The following GPN3 variants were observed in gnomAD, a reference collection of about 807,000 sequenced individuals.
GPN3 encodes the protein ATP-binding domain 1 family member C.
A neutral mutation model predicts 38.7 loss-of-function variants in GPN3; 31 were observed. That is an observed-to-expected ratio of 0.80 (90% CI 0.60 to 1.08). GPN3 has a LOEUF of 1.08. Among genes scored for constraint, GPN3 ranks in the 50% least tolerant of loss-of-function variants. The pLI, the probability that GPN3 is intolerant of heterozygous loss-of-function variation, is 0.00. For missense variants in GPN3, 301 were observed against 354.4 expected, an observed-to-expected ratio of 0.85 and a Z score of 1.21; for synonymous variants, 116 against 120.2, an observed-to-expected ratio of 0.96 and a Z score of 0.23.
intron 1 of GPN3, among the ~76,000 whole-genome samples, chr12:110,466,680 G>A (rs2062630410): frequency 6.6e-6 from 1 of 152,126 alleles, no homozygotes; most frequent in African/African-American, 2.4e-5. Context: ...ATTTTTGGTA[G>A]AGACAGGGCT....
intron 2 of GPN3, 68 bp downstream of exon 2, chr12:110,465,038 C>T: frequency 1.2e-6 from 1 of 819,222 alleles, no homozygotes; most frequent in Admixed American, 1.7e-5. Context: ...TGCTAAGCAG[C>T]TAGTACTCAC....
chr12:110,466,513 T>C (rs2062628719), intron 1 of GPN3, among the ~76,000 whole-genome samples: 2 of 152,290 alleles, frequency 1.3e-5, no homozygotes, highest in Non-Finnish European at 2.9e-5. Flanking sequence ...GTATCTTTTT[T>C]TTTTTTGCAA....
chr12:110,461,125 CAA>C, intron 2 of GPN3: 1 of 1,318,440 alleles, frequency 7.6e-7, no homozygotes, highest in Non-Finnish European at 1.1e-6. Context: ...CTCAGGCACT[CAA>C]AGAGATTCAG....
rs960721194 is a variant in GPN3 at position 110,458,176 on chromosome 12, C to T, written c.326-542G>A. Among the ~76,000 whole-genome samples the T allele has an allele frequency of 9.2e-5, 14 of 151,400 alleles. No individual in the cohort carries two copies. The highest frequency in any genetic ancestry group is 1.5e-4 in the Non-Finnish European group (10 of 67,814). On this transcript the variant is annotated intron_variant, in intron 3 of 7. Coordinates refer to ENST00000228827, the MANE Select transcript of GPN3 (RefSeq NM_016301.4). This position sits in a 1 kb window ranked among gnomAD's most constrained non-coding sequence, Gnocchi z 4.4. Reference sequence around the variant, plus strand: ...AGGTTCTTCACACTTTAGTTTTCTGCCAATCAATATGAGTGTTATTGGCCA... The same window carrying T: ...AGGTTCTTCACACTTTAGTTTTCTGTCAATCAATATGAGTGTTATTGGCCA...
chr12:110,459,704 CA>C lies in GPN3; in HGVS notation c.315del (p.Phe105LeufsTer15). On this transcript the variant is annotated frameshift_variant, in exon 3 of 8. Transcript: ENST00000228827. LOFTEE classifies it high-confidence loss of function. ...LGHVEDDYILFDCPGQIELYT... is the reference protein window; with the variant it reads ...LGHVEDDYILXDCPGQIELYT... ...CAAATTGTTGATTCACCTGGACAAT[CA>C]AAAAGGATATAGTCGTCCTCTACAT... 1 of 1,610,058 alleles carries C rather than the reference CA, an allele frequency of 6.2e-7. No individual in the cohort carries two copies. The highest frequency in any genetic ancestry group is 8.5e-7 in the Non-Finnish European group (1 of 1,176,408).
At chr12:110,461,850 T>C (rs2062592047) in intron 2 of GPN3, among the ~76,000 whole-genome samples, 1 of 152,150 alleles carries the variant, frequency 6.6e-6, no homozygotes, top group South Asian at 2.1e-4. Flanking sequence ...AATCTGGCTT[T>C]CTTTCTTTTT....
upstream of GPN3, chr12:110,468,383 A>G: frequency 6.6e-7 from 1 of 1,523,420 alleles, no homozygotes; most frequent in Non-Finnish European, 8.8e-7. Flanking sequence ...GTCCTGAGAA[A>G]AAAGGGGAGG....
At chr12:110,467,981 A>T (rs1163225147) in intron 1 of GPN3, 175 bp downstream of exon 1, 2 of 887,084 alleles carry the variant, frequency 2.3e-6, no homozygotes, top group Non-Finnish European at 3.7e-6. Context: ...AACAACTACC[A>T]TTATTTCCCT....
At chr12:110,462,848 C>T (rs1011583054) in intron 2 of GPN3, among the ~76,000 whole-genome samples, 2 of 152,348 alleles carry the variant, frequency 1.3e-5, no homozygotes, top group Middle Eastern at 3.4e-3. Flanking sequence ...GCTCCGCCTC[C>T]CGGGTGCACG....
At chr12:110,463,123 TTAAAACA>T (rs756190100) in intron 2 of GPN3, among the ~76,000 whole-genome samples, 31 of 152,226 alleles carry the variant, frequency 2.0e-4, no homozygotes, top group Non-Finnish European at 4.0e-4. Flanking sequence ...GAGTTATTTT[TTAAAACA>T]TAAATCAGGC....
intron 2 of GPN3, chr12:110,464,765 T>G (rs148567080): frequency 8.3e-5 from 20 of 241,114 alleles, no homozygotes; most frequent in Admixed American, 1.5e-4. Context: ...GCTGATTTTT[T>G]TGTGTTTTTA....
chr12:110,453,216 C>A, intron 7 of GPN3, 120 bp from the exon 8 acceptor site: 1 of 562,762 alleles, frequency 1.8e-6, no homozygotes, highest in Non-Finnish European at 3.2e-6. Context: ...GCACCAGCTC[C>A]AGGTGCTGCT....
At chr12:110,454,192 T>A (rs1360698863) in intron 6 of GPN3, among the ~76,000 whole-genome samples, 1 of 152,196 alleles carries the variant, frequency 6.6e-6, no homozygotes, top group East Asian at 1.9e-4. Context: ...AATAATAAGA[T>A]GTTAGTTTAT....
At chr12:110,465,473 G>A (rs1287343803) in intron 1 of GPN3, among the ~76,000 whole-genome samples, 1 of 152,106 alleles carries the variant, frequency 6.6e-6, no homozygotes, top group Admixed American at 6.6e-5. Flanking sequence ...TAATCACTAA[G>A]GCTCCTTACT....
chr12:110,466,760 T>C (rs936683476), intron 1 of GPN3, among the ~76,000 whole-genome samples: 1 of 152,060 alleles, frequency 6.6e-6, no homozygotes, highest in Non-Finnish European at 1.5e-5. Flanking sequence ...CCTCCCAAAG[T>C]GCGAGGATTA....
upstream of GPN3, chr12:110,468,550 T>G (rs1288725913): frequency 8.5e-6 from 13 of 1,537,294 alleles, no homozygotes; most frequent in Non-Finnish European, 1.1e-5. Context: ...TGCAGACGTT[T>G]GACCTGTATG....
At chr12:110,463,429 G>T (rs2062605045) in intron 2 of GPN3, among the ~76,000 whole-genome samples, 1 of 151,490 alleles carries the variant, frequency 6.6e-6, no homozygotes, top group Non-Finnish European at 1.5e-5. Flanking sequence ...TATAGCCTGG[G>T]TGACAGAGTG....
chr12:110,468,381 A>T, upstream of GPN3: 2 of 1,522,058 alleles, frequency 1.3e-6, no homozygotes, highest in Non-Finnish European at 1.8e-6. Context: ...GCGTCCTGAG[A>T]AAAAAGGGGA....
At chr12:110,453,417 A>G (rs1316378546) in intron 7 of GPN3, among the ~76,000 whole-genome samples, 1 of 152,224 alleles carries the variant, frequency 6.6e-6, no homozygotes, top group East Asian at 1.9e-4. Context: ...AAAAAATAAA[A>G]AAATAAAAAA....
Sources: gnomAD v4.1 joint callset for allele counts (sites outside exome capture counted in the v4.1 genomes callset) on GRCh38, gnomAD v4.1.1 for gene constraint, Gnocchi (gnomAD v3.1) non-coding constraint, MANE v1.5 for transcripts, NCBI Gene and HGNC (gene_info 2026-07-23, HGNC 2026-07-21) for gene names.